CPO: variants seen among roughly 807,000 people sequenced by gnomAD.
The protein encoded by CPO is carboxypeptidase O, also known as metallocarboxypeptidase C.
Under a neutral mutation model 41.2 loss-of-function variants are expected in CPO, and 43 were observed. The observed-to-expected ratio is 1.04, with a 90% CI of 0.82 to 1.35. The LOEUF is 1.35. Among genes scored for constraint, CPO ranks in the 40% most tolerant of loss-of-function variants. CPO has a pLI of 0.00. For missense variants in CPO, 408 were observed against 451.7 expected (o/e 0.90, Z 0.88); for synonymous variants, 178 against 162.7 (o/e 1.09, Z -0.72).
In CPO at chr2:206,965,565, A is replaced by C. The variant is rs184988089; in HGVS notation, c.778-2698A>C. ...AAATGAGAATAGCTATAAGAATTCTAATGTTTTACATGCTTACATTCTTTC... is the reference window on the plus strand; with the variant it reads ...AAATGAGAATAGCTATAAGAATTCTCATGTTTTACATGCTTACATTCTTTC... On this transcript the variant is annotated intron_variant, in intron 7 of 8. Coordinates refer to ENST00000272852, the MANE Select transcript of CPO (RefSeq NM_173077.3). 4.0e-3 allele frequency among the ~76,000 whole-genome samples: 609 copies of C among 152,278 alleles called. 3 individuals carry two copies. Among genetic ancestry groups the C allele is most frequent in the African/African-American group, 0.013 (555 of 41,572 alleles).
chr2:206,965,747 G>A (rs112799542), intron 7 of CPO, among the ~76,000 whole-genome samples: 6 of 152,138 alleles, frequency 3.9e-5, no homozygotes, highest in South Asian at 2.1e-4. Context: ...GTTGTTAAGC[G>A]GGCCGGAGGT....
In CPO at chr2:206,949,699, C is replaced by T. The variant is rs372369373; in HGVS notation, c.151C>T (p.His51Tyr). 6 of 1,609,570 alleles carry T rather than the reference C, an allele frequency of 3.7e-6. No homozygotes were observed. The highest frequency in any genetic ancestry group is 1.7e-4 in the Middle Eastern group (1 of 6,050). ...SLETYSYNIYHPMGEIYEWMR... is the reference protein window; with the variant it reads ...SLETYSYNIYYPMGEIYEWMR... ...GGAGACGTATTCCTATAACATATAC[C>T]ACCCCATGGGAGAGGTAAGGAAGGA... The change falls in exon 2 of 9, where the codon CAC becomes TAC. Residue 51 changes from histidine to tyrosine, a missense_variant. Physicochemically the swap from His to Tyr is moderately conservative, Grantham distance 83 (BLOSUM62 2). Coordinates refer to ENST00000272852, the MANE Select transcript of CPO (RefSeq NM_173077.3).
At position 206,959,727 on chromosome 2, in the gene CPO, T is replaced by C. The variant is rs574441490; in HGVS notation, c.469T>C (p.Tyr157His). The C allele has an allele frequency of 7.0e-5, 106 of 1,504,380 alleles. 1 individual carries two copies. In the Admixed American group the frequency reaches 1.8e-3, roughly 25 times the overall value. 93.2% of individuals were successfully genotyped at this position (1,504,380 alleles called of 1,614,324 possible). A position where few individuals can be genotyped will look rare whatever the true frequency, so the allele number is the denominator to read the frequency against. ...LPVLNIDGYI[Y>H]TWTTDRLWRK... ...AGTTCTTAACATAGATGGTTATATC[T>C]ACACTTGGACAACTGTGAGTACACC... Residue 157 changes from tyrosine (Y) to histidine (H), a missense_variant, in exon 5 of 9, where the codon TAC (tyrosine) becomes CAC (histidine). Physicochemically the swap from Tyr to His is moderately conservative, Grantham distance 83. Coordinates refer to ENST00000272852, the MANE Select transcript of CPO (RefSeq NM_173077.3).
intron 7 of CPO, among the ~76,000 whole-genome samples, chr2:206,965,098 A>C (rs553649497): frequency 6.6e-6 from 1 of 152,240 alleles, no homozygotes; most frequent in Non-Finnish European, 1.5e-5. Context: ...CTAAGAAGAG[A>C]ATAACTGGCA....
chr2:206,949,805 G>A (rs770260411), intron 2 of CPO, 92 bp downstream of exon 2: 15 of 750,286 alleles, frequency 2.0e-5, no homozygotes, highest in Non-Finnish European at 3.2e-5. Context: ...CCATGCATTA[G>A]AGAGGCTGAA....
At chr2:206,952,580 C>T (rs1693285372) in intron 2 of CPO, among the ~76,000 whole-genome samples, 1 of 152,126 alleles carries the variant, frequency 6.6e-6, no homozygotes, top group Admixed American at 6.5e-5. Context: ...GACTTCCAGA[C>T]CAAGGTATAA....
intron 1 of CPO, among the ~76,000 whole-genome samples, chr2:206,940,420 G>A (rs1267478151): frequency 1.3e-5 from 2 of 152,072 alleles, no homozygotes; most frequent in African/African-American, 4.8e-5. Flanking sequence ...GTGTATGAAA[G>A]CACTTTTTAA....
intron 1 of CPO, among the ~76,000 whole-genome samples, chr2:206,945,482 A>C (rs544259957): frequency 6.6e-6 from 1 of 152,308 alleles, no homozygotes; most frequent in South Asian, 2.1e-4. Context: ...TCATTCAACA[A>C]ATGTTTGTGC....
intron 2 of CPO, among the ~76,000 whole-genome samples, chr2:206,952,099 T>A (rs1196520866): frequency 6.7e-6 from 1 of 148,444 alleles, no homozygotes; most frequent in Non-Finnish European, 1.5e-5. Flanking sequence ...TCAAATAGGA[T>A]ATTTGTTATC....
chr2:206,946,301 C>T (rs1365664630), intron 1 of CPO, among the ~76,000 whole-genome samples: 6 of 152,124 alleles, frequency 3.9e-5, no homozygotes, highest in Non-Finnish European at 7.4e-5. Flanking sequence ...TGGAATTTGT[C>T]CCAGGTATGC....
At chr2:206,964,748 T>A (rs1486163646) in intron 7 of CPO, among the ~76,000 whole-genome samples, 5 of 152,232 alleles carry the variant, frequency 3.3e-5, no homozygotes, top group Non-Finnish European at 5.9e-5. Context: ...TCAGGGATAT[T>A]TGTTGTAGAT....
intron 1 of CPO, among the ~76,000 whole-genome samples, chr2:206,943,416 T>C (rs1456522845): frequency 1.3e-5 from 2 of 152,110 alleles, no homozygotes; most frequent in African/African-American, 2.4e-5. Context: ...CCTCTTTCCA[T>C]TCTGAGAAAG....
intron 1 of CPO, among the ~76,000 whole-genome samples, chr2:206,946,933 A>G (rs1693155658): frequency 6.6e-6 from 1 of 152,194 alleles, no homozygotes; most frequent in South Asian, 2.1e-4. Context: ...AGGAAAACTA[A>G]AAAACTCTAA....
intron 1 of CPO, among the ~76,000 whole-genome samples, chr2:206,942,754 T>C (rs1693052779): frequency 6.6e-6 from 1 of 152,194 alleles, no homozygotes; most frequent in South Asian, 2.1e-4. Flanking sequence ...CTCCCCTCTC[T>C]ACATGTTTTA....
Position 206,962,504 on chromosome 2 carries a change from G to A in CPO, c.667G>A (p.Glu223Lys). ...GACTAAAGCTGTTGCCAGCTTCATA[G>A]AGAGCAAGAAGGATGATATTTTGTG... is the stretch of plus-strand genomic sequence containing the variant. The part of the protein sequence containing the change: ...PETKAVASFI[E>K]SKKDDILCFL... The change falls in exon 7 of 9, where the codon GAG becomes AAG. Residue 223 changes from glutamate (E) to lysine (K), a missense_variant. Physicochemically the swap from Glu to Lys is moderately conservative, Grantham distance 56 (BLOSUM62 1). Transcript: ENST00000272852. 3 of 1,614,134 alleles carry A rather than the reference G, an allele frequency of 1.9e-6. No homozygotes were observed. The highest frequency in any genetic ancestry group is 2.5e-6 in the Non-Finnish European group (3 of 1,179,980).
Position 206,949,680 on chromosome 2 carries a change from G to T in CPO, c.132G>T (p.Thr44=), listed in dbSNP as rs145360422. Residue 44 remains threonine (T), a synonymous_variant, in exon 2 of 9, where the codon ACG becomes ACT. Transcript: ENST00000272852. ...CAGTGAGTCCATGGAGCCTGGAGAC[G>T]TATTCCTATAACATATACCACCCCA... is the stretch of plus-strand genomic sequence containing the variant. The part of the protein sequence containing the change: ...DKSVSPWSLE[T]YSYNIYHPMG... The T allele has an allele frequency of 1.1e-4, 183 of 1,612,876 alleles. No individual in the cohort carries two copies. Among genetic ancestry groups the T allele is most frequent in the Non-Finnish European group, 1.5e-4 (171 of 1,179,134 alleles).
At chr2:206,955,393 C>T in intron 2 of CPO, 70 bp from the exon 3 acceptor site, 1 of 868,728 alleles carries the variant, frequency 1.2e-6, no homozygotes, top group Non-Finnish European at 2.0e-6. Context: ...GTGAAAGAAG[C>T]AGTTATCTTA....
At chr2:206,965,803 AT>A (rs1428883215) in intron 7 of CPO, among the ~76,000 whole-genome samples, 1 of 152,046 alleles carries the variant, frequency 6.6e-6, no homozygotes, top group Non-Finnish European at 1.5e-5. Context: ...AGTTTTTATT[AT>A]TTTTATTAGG....
At chr2:206,942,150 C>T (rs1233725730) in intron 1 of CPO, among the ~76,000 whole-genome samples, 4 of 151,806 alleles carry the variant, frequency 2.6e-5, no homozygotes, top group African/African-American at 4.8e-5. Context: ...TAGTGTGCAA[C>T]CATTAAAGAG....
Sources: gnomAD v4.1 joint callset for allele counts (sites outside exome capture counted in the v4.1 genomes callset) on GRCh38, gnomAD v4.1.1 for gene constraint, MANE v1.5 for transcripts, NCBI Gene and HGNC (gene_info 2026-07-23, HGNC 2026-07-21) for gene names.